Variants in THSD7A observed in about 807,000 individuals in gnomAD.
The protein encoded by THSD7A is thrombospondin type 1 domain containing 7A.
THSD7A carries 96 observed loss-of-function variants against 231.3 expected under a neutral mutation model. That is an observed-to-expected ratio of 0.41 (90% confidence interval 0.35 to 0.49). The LOEUF (loss-of-function observed/expected upper bound fraction) is 0.49. THSD7A is among the 20% of genes least tolerant of loss of function. The pLI is 0.05. For missense variants in THSD7A, 2,290 were observed against 2,070.2 expected (o/e 1.11, Z -2.06); for synonymous variants, 940 against 743.3 (o/e 1.26, Z -4.30).
intron 1 of THSD7A, among the ~76,000 whole-genome samples, chr7:11,823,137 A>G (rs183465516): frequency 7.2e-5 from 11 of 152,118 alleles, no homozygotes; most frequent in African/African-American, 2.2e-4. Flanking sequence ...GTATGTAATG[A>G]GAGATAGGGG....
At chr7:11,483,369 T>C (rs1421597394) in intron 6 of THSD7A, among the ~76,000 whole-genome samples, 3 of 152,186 alleles carry the variant, frequency 2.0e-5, no homozygotes, top group East Asian at 1.9e-4. Flanking sequence ...AGCCATTACA[T>C]TGCAAGGCCT....
chr7:11,625,163 A>G (rs900749355), intron 2 of THSD7A, among the ~76,000 whole-genome samples: 4 of 152,060 alleles, frequency 2.6e-5, no homozygotes, highest in Admixed American at 2.0e-4. Context: ...ATGTATATTC[A>G]TATTTATGTA....
intron 6 of THSD7A, among the ~76,000 whole-genome samples, chr7:11,509,991 C>T (rs537403673): frequency 1.9e-4 from 29 of 151,786 alleles, no homozygotes; most frequent in Non-Finnish European, 3.4e-4. Flanking sequence ...ATAATGTATA[C>T]GTGTACCAAA....
intron 8 of THSD7A, among the ~76,000 whole-genome samples, chr7:11,472,816 T>C (rs993972698): frequency 2.0e-5 from 3 of 152,160 alleles, no homozygotes; most frequent in Non-Finnish European, 4.4e-5. Context: ...AGGAACAGAA[T>C]GAGCTCACTG....
intron 13 of THSD7A, among the ~76,000 whole-genome samples, chr7:11,437,851 T>A (rs928966399): frequency 1.3e-5 from 2 of 152,126 alleles, no homozygotes; most frequent in African/African-American, 4.8e-5. Context: ...AGTTACTTTA[T>A]GGTTGAGTGG....
intron 1 of THSD7A, among the ~76,000 whole-genome samples, chr7:11,771,038 ATTC>A: frequency 6.6e-6 from 1 of 151,288 alleles, no homozygotes; most frequent in Non-Finnish European, 1.5e-5. Flanking sequence ...TATCTCATAC[ATTC>A]TTTCTTTAAA....
Position 11,444,244 on chromosome 7 carries a change from A to G in THSD7A, c.3064+1817T>C, listed in dbSNP as rs1784892298. ...AACCATTGTGGAAGACAGTGTGGCG[A>G]TTCCTCAAGGATCTAGAACCAGAAA... is the stretch of plus-strand genomic sequence containing the variant. On this transcript the variant is annotated intron_variant, in intron 13 of 27. Transcript: ENST00000423059. This position sits in a 1 kb window ranked among gnomAD's most constrained non-coding sequence, Gnocchi z 4.2. Among the ~76,000 whole-genome samples, 1 of 152,112 alleles carries G rather than the reference A, an allele frequency of 6.6e-6. No individual in the cohort carries two copies.
At chr7:11,769,153 A>ATATATATATATATATATTTTTTTT in intron 1 of THSD7A, among the ~76,000 whole-genome samples, 1 of 27,662 alleles carries the variant, frequency 3.6e-5, no homozygotes, top group African/African-American at 1.2e-4. Context: ...ATATATATAT[A>ATATATATATATATATATTTTTTTT]TTTTTTTTTT....
chr7:11,787,346 G>A (rs539655448), intron 1 of THSD7A, among the ~76,000 whole-genome samples: 60 of 152,030 alleles, frequency 3.9e-4, no homozygotes, highest in African/African-American at 1.3e-3. Flanking sequence ...AATGACTTTG[G>A]ATATAGAATT....
intron 1 of THSD7A, among the ~76,000 whole-genome samples, chr7:11,759,580 T>C (rs959574658): frequency 2.6e-5 from 4 of 152,024 alleles, no homozygotes; most frequent in African/African-American, 9.7e-5. Context: ...TTTTTCAGAA[T>C]TCATGAAAGA....
chr7:11,768,449 G>A (rs1192276138), intron 1 of THSD7A, among the ~76,000 whole-genome samples: 1 of 152,162 alleles, frequency 6.6e-6, no homozygotes, highest in Non-Finnish European at 1.5e-5. Context: ...CTGTCTAGGA[G>A]TCGACAGAGA....
At chr7:11,544,660 C>A (rs1017906688) in intron 4 of THSD7A, among the ~76,000 whole-genome samples, 3 of 152,202 alleles carry the variant, frequency 2.0e-5, no homozygotes, top group Non-Finnish European at 2.9e-5. Context: ...TTTTCACACA[C>A]ACGAGCACAC....
chr7:11,526,502 T>A (rs1204881966), intron 6 of THSD7A, among the ~76,000 whole-genome samples: 1 of 152,180 alleles, frequency 6.6e-6, no homozygotes, highest in Non-Finnish European at 1.5e-5. Flanking sequence ...TCCAACTAAA[T>A]AGTGCATACT....
intron 1 of THSD7A, among the ~76,000 whole-genome samples, chr7:11,768,866 A>C (rs1783114723): frequency 6.6e-6 from 1 of 151,830 alleles, no homozygotes; most frequent in Non-Finnish European, 1.5e-5. Context: ...GAATATAATC[A>C]ACCTCAGCAT....
chr7:11,408,725 A>C (rs1478368162), intron 19 of THSD7A, among the ~76,000 whole-genome samples: 1 of 152,180 alleles, frequency 6.6e-6, no homozygotes, highest in African/African-American at 2.4e-5. Context: ...GCTCTAAGTT[A>C]TCCACTGAGA....
rs1583757335 is a variant in THSD7A at position 11,446,358 on chromosome 7, G to C, written c.2801-34C>G. ...GAGAAACAATCAGGCAATTTAAGTT[G>C]GAAAATACCATCATTAATTTCACAC... On this transcript the variant is annotated intron_variant, in intron 12 of 27. Transcript: ENST00000423059. The surrounding 1 kb of genome is among the most constrained non-coding windows in gnomAD (Gnocchi z 4.0). 2.5e-6 allele frequency: 4 copies of C among 1,582,898 alleles called. No homozygotes were observed. Among genetic ancestry groups the C allele is most frequent in the Non-Finnish European group, 3.4e-6 (4 of 1,165,182 alleles).
chr7:11,385,513 C>A (rs557216679), intron 23 of THSD7A: 3 of 151,830 alleles, frequency 2.0e-5, no homozygotes, highest in Non-Finnish European at 4.4e-5. Flanking sequence ...TTTAGAAATA[C>A]CTTTTAATGT....
At chr7:11,775,428 A>G (rs987013565) in intron 1 of THSD7A, among the ~76,000 whole-genome samples, 2 of 152,220 alleles carry the variant, frequency 1.3e-5, no homozygotes, top group African/African-American at 4.8e-5. Flanking sequence ...ATAGTCCAAA[A>G]GTGGAAGCAC....
chr7:11,778,584 C>T (rs1334173550), intron 1 of THSD7A, among the ~76,000 whole-genome samples: 1 of 152,028 alleles, frequency 6.6e-6, no homozygotes, highest in Non-Finnish European at 1.5e-5. Flanking sequence ...TTTAGAAATT[C>T]GTCAGCTTAG....
Sources: allele counts gnomAD v4.1 joint callset (sites outside exome capture counted in the v4.1 genomes callset), GRCh38; gene constraint gnomAD v4.1.1; non-coding constraint Gnocchi (gnomAD v3.1); transcripts MANE v1.5; gene names NCBI Gene and HGNC (gene_info 2026-07-23, HGNC 2026-07-21).